The following OCIAD1 variants were observed in gnomAD, a reference collection of about 807,000 sequenced individuals.
OCIAD1 encodes the protein OCIA domain-containing protein 1.
OCIAD1 carries 29 observed loss-of-function variants against 38.9 expected under a neutral mutation model. That is an observed-to-expected ratio of 0.74 (90% CI 0.55 to 1.02). The LOEUF (loss-of-function observed/expected upper bound fraction) is 1.02. Among genes scored for constraint, OCIAD1 ranks in the 50% least tolerant of loss-of-function variants. OCIAD1 has a pLI of 0.00. For synonymous variants in OCIAD1, 110 were observed against 92.0 expected (o/e 1.20, Z -1.12); for missense variants, 288 against 289.6 (o/e 0.99, Z 0.04).
intron 3 of OCIAD1, among the ~76,000 whole-genome samples, chr4:48,840,735 G>A (rs1408233439): frequency 2.7e-5 from 4 of 150,936 alleles, no homozygotes; most frequent in Admixed American, 6.6e-5. Context: ...AGTGGCTCAC[G>A]CCTGTAATCC....
chr4:48,813,540 G>T (rs1342728101), intron 1 of OCIAD1, among the ~76,000 whole-genome samples: 3 of 152,216 alleles, frequency 2.0e-5, no homozygotes, highest in African/African-American at 7.2e-5. Context: ...TGTAGTCCCA[G>T]CTACTTGGGA....
chr4:48,820,401 GGT>G (rs776285600), intron 1 of OCIAD1, among the ~76,000 whole-genome samples: 8 of 152,032 alleles, frequency 5.3e-5, no homozygotes, highest in Non-Finnish European at 1.0e-4. Flanking sequence ...CAGCTAAAGT[GGT>G]GTTAAGAGGA....
intron 1 of OCIAD1, among the ~76,000 whole-genome samples, chr4:48,819,539 CACATA>C (rs1006713288): frequency 6.6e-6 from 1 of 151,884 alleles, no homozygotes; most frequent in Non-Finnish European, 1.5e-5. Context: ...ATCAAATTCA[CACATA>C]ACAATGTTAG....
chr4:48,833,266 A>T (rs1280969922), intron 2 of OCIAD1, 135 bp from the exon 3 acceptor site: 6 of 606,384 alleles, frequency 9.9e-6, no homozygotes, highest in Non-Finnish European at 1.8e-5. Flanking sequence ...AAACAAAAAA[A>T]GTGCATAAGC....
chr4:48,829,759 G>A (rs1389223593), upstream of OCIAD1, among the ~76,000 whole-genome samples: 1 of 152,140 alleles, frequency 6.6e-6, no homozygotes, highest in African/African-American at 2.4e-5. Flanking sequence ...GGAACAAAAT[G>A]AGTATTAGTT....
chr4:48,837,071 A>G (rs1778054619), intron 3 of OCIAD1: 1 of 152,152 alleles, frequency 6.6e-6, no homozygotes, highest in Admixed American at 6.5e-5. Flanking sequence ...TCCTGGGTTC[A>G]TACCATTCTC....
upstream of OCIAD1, among the ~76,000 whole-genome samples, chr4:48,827,301 T>C (rs1234619125): frequency 2.6e-5 from 4 of 152,224 alleles, no homozygotes; most frequent in African/African-American, 7.2e-5. Context: ...TTATTATTAA[T>C]TTTTTTAAGT....
chr4:48,815,213 T>C (rs1298089415), intron 1 of OCIAD1, among the ~76,000 whole-genome samples: 1 of 152,150 alleles, frequency 6.6e-6, no homozygotes, highest in Non-Finnish European at 1.5e-5. Flanking sequence ...GTCAGGAGAC[T>C]GAGGCAGGAG....
At chr4:48,843,134 A>G (rs1472791969) in intron 4 of OCIAD1, among the ~76,000 whole-genome samples, 1 of 152,208 alleles carries the variant, frequency 6.6e-6, no homozygotes, top group East Asian at 1.9e-4. Flanking sequence ...GCGGTGAGTT[A>G]GCATTATTTA....
intron 1 of OCIAD1, among the ~76,000 whole-genome samples, chr4:48,823,868 T>C (rs1484530083): frequency 7.2e-6 from 1 of 138,090 alleles, no homozygotes; most frequent in African/African-American, 2.7e-5. Flanking sequence ...AGTCTTGCTA[T>C]GTTGCTCAGG....
chr4:48,818,201 T>G (rs1777160508), intron 1 of OCIAD1, among the ~76,000 whole-genome samples: 2 of 152,196 alleles, frequency 1.3e-5, no homozygotes, highest in African/African-American at 4.8e-5. Flanking sequence ...AGTGCCCCTC[T>G]GGGACGAAAC....
intron 4 of OCIAD1, among the ~76,000 whole-genome samples, chr4:48,845,670 A>G (rs896509081): frequency 5.9e-5 from 9 of 152,166 alleles, no homozygotes; most frequent in Non-Finnish European, 1.3e-4. Context: ...TGGCCCTTCT[A>G]TAGGCTCCTC....
At chr4:48,836,858 T>C (rs1041035179) in intron 3 of OCIAD1, among the ~76,000 whole-genome samples, 2 of 152,204 alleles carry the variant, frequency 1.3e-5, no homozygotes, top group African/African-American at 4.8e-5. Context: ...AAAACAGTTA[T>C]TCTCAACTGG....
chr4:48,854,012 A>T (rs1286336764), intron 7 of OCIAD1, among the ~76,000 whole-genome samples: 2 of 152,206 alleles, frequency 1.3e-5, no homozygotes, highest in Middle Eastern at 6.8e-3. Context: ...AAGGAAGGGA[A>T]TGGGCAGATT....
chr4:48,849,987 T>G lies in OCIAD1; in HGVS notation c.282T>G (p.Tyr94Ter), dbSNP rs183993197. The G allele has an allele frequency of 3.1e-6, 5 of 1,613,036 alleles. No homozygotes were observed. The South Asian group carries it at 5.5e-5, about 18-fold the overall frequency. The change falls in exon 6 of 9, where the codon TAT becomes TAG. Residue 94 changes from tyrosine (Y) to a stop codon, truncating the protein, a stop_gained. Transcript: ENST00000264312. LOFTEE classifies it high-confidence loss of function. Reference sequence around the variant, plus strand: ...GATACTTTGCTGGAAAACTTTCTTATGTGAAAACTTGCCAAGAGAAATTCA... The same window carrying G: ...GATACTTTGCTGGAAAACTTTCTTAGGTGAAAACTTGCCAAGAGAAATTCA... ...IMGYFAGKLS[Y>*]VKTCQEKFKK...
intron 1 of OCIAD1, among the ~76,000 whole-genome samples, chr4:48,806,003 A>C (rs1010560455): frequency 6.6e-6 from 1 of 152,212 alleles, no homozygotes; most frequent in East Asian, 1.9e-4. Flanking sequence ...GTGGTGGCTC[A>C]CGCCTGTAAT....
At chr4:48,847,740 G>A (rs1779095385) in intron 4 of OCIAD1, among the ~76,000 whole-genome samples, 1 of 152,134 alleles carries the variant, frequency 6.6e-6, no homozygotes, top group African/African-American at 2.4e-5. Context: ...GCCTATTCTT[G>A]TACTTAATAC....
chr4:48,852,966 C>T (rs1779665385), intron 7 of OCIAD1, among the ~76,000 whole-genome samples: 1 of 149,692 alleles, frequency 6.7e-6, no homozygotes, highest in Non-Finnish European at 1.5e-5. Context: ...ACTGCAACCT[C>T]CGCCCCCCCA....
At chr4:48,855,724 G>C (rs1345235873) in intron 7 of OCIAD1, among the ~76,000 whole-genome samples, 1 of 151,786 alleles carries the variant, frequency 6.6e-6, no homozygotes, top group South Asian at 2.1e-4. Context: ...GCTCAGGCAG[G>C]ACAATCACTG....
Sources: allele counts gnomAD v4.1 joint callset (sites outside exome capture counted in the v4.1 genomes callset), GRCh38; gene constraint gnomAD v4.1.1; transcripts MANE v1.5; gene names NCBI Gene and HGNC (gene_info 2026-07-23, HGNC 2026-07-21).